Variants in ALDH2 observed in about 807,000 individuals in gnomAD.
ALDH2 encodes the protein aldehyde dehydrogenase, mitochondrial.
A neutral mutation model predicts 59.6 loss-of-function variants in ALDH2; 44 were observed. That is an observed-to-expected ratio of 0.74 (90% CI 0.58 to 0.95). The LOEUF (loss-of-function observed/expected upper bound fraction) is 0.95, where lower values mean the gene tolerates loss of function less well. ALDH2 is among the 40% of genes least tolerant of loss of function. ALDH2 has a pLI of 0.00. For synonymous variants in ALDH2, 291 were observed against 284.0 expected (o/e 1.02, Z -0.25); for missense variants, 570 against 696.3 (o/e 0.82, Z 2.04).
Position 111,816,174 on chromosome 12 carries a change from T to C in ALDH2, c.*6599T>C, listed in dbSNP as rs900912577. On this transcript the variant is annotated 3_prime_UTR_variant, in exon 13 of 13. Coordinates refer to ENST00000261733, the MANE Select transcript of ALDH2 (RefSeq NM_000690.4). ...TGTTTAAAAGGTGACGTGGACCTAATCCCTGTTGGACTGAACAAAAGGGGA... is the reference window on the plus strand; with the variant it reads ...TGTTTAAAAGGTGACGTGGACCTAACCCCTGTTGGACTGAACAAAAGGGGA... 6.6e-6 allele frequency: 1 copy of C among 152,046 alleles called. No individual in the cohort carries two copies. The highest frequency in any genetic ancestry group is 2.4e-5 in the African/African-American group (1 of 41,342). 9.4% of individuals were successfully genotyped at this position (152,046 alleles called of 1,614,324 possible).
intron 1 of ALDH2, among the ~76,000 whole-genome samples, chr12:111,775,165 C>T (rs915759385): frequency 6.6e-6 from 1 of 152,206 alleles, no homozygotes; most frequent in African/African-American, 2.4e-5. Flanking sequence ...CTATTACCCC[C>T]ACTTAGAAAG....
At chr12:111,769,103 C>A (rs1314736773) in intron 1 of ALDH2, among the ~76,000 whole-genome samples, 1 of 152,146 alleles carries the variant, frequency 6.6e-6, no homozygotes, top group Non-Finnish European at 1.5e-5. Flanking sequence ...GCACCCAGGC[C>A]CATAGGTAAC....
chr12:111,803,668 G>A (rs111627571), intron 11 of ALDH2, among the ~76,000 whole-genome samples, 191 bp from the exon 12 acceptor site: 12,792 of 151,688 alleles, frequency 0.084, 630 homozygotes, highest in Middle Eastern at 0.16. Flanking sequence ...CCCCAGATGT[G>A]GAGGTTGCAA....
chr12:111,799,641 C>A (rs2068432919), intron 10 of ALDH2, among the ~76,000 whole-genome samples: 1 of 152,096 alleles, frequency 6.6e-6, no homozygotes, highest in South Asian at 2.1e-4. Context: ...ATCTACGTGT[C>A]ACGTGTGAAT....
At chr12:111,792,446 A>G (rs1179344902) in intron 8 of ALDH2, 152 bp from the exon 9 acceptor site, 60 of 953,620 alleles carry the variant, frequency 6.3e-5, no homozygotes, top group Non-Finnish European at 1.4e-5. Context: ...GTGGGCTCCG[A>G]GAGCACCCCT....
chr12:111,809,027 G>A (rs1308551553), intron 12 of ALDH2, among the ~76,000 whole-genome samples: 2 of 152,186 alleles, frequency 1.3e-5, no homozygotes, highest in Non-Finnish European at 2.9e-5. Context: ...TTAGGGTTGT[G>A]TTTGGGGTAC....
chr12:111,769,664 G>A (rs1010531425), intron 1 of ALDH2, among the ~76,000 whole-genome samples: 37 of 151,668 alleles, frequency 2.4e-4, no homozygotes, highest in African/African-American at 9.0e-4. Flanking sequence ...ATCATTCTGA[G>A]TACGTTCAGA....
chr12:111,808,268 C>T (rs1165448766), intron 12 of ALDH2, among the ~76,000 whole-genome samples: 1 of 152,108 alleles, frequency 6.6e-6, no homozygotes, highest in Non-Finnish European at 1.5e-5. Flanking sequence ...TGGGTAGTGG[C>T]TGCTCATGGG....
chr12:111,803,498 G>A (rs547105889), intron 11 of ALDH2, among the ~76,000 whole-genome samples: 1 of 151,948 alleles, frequency 6.6e-6, no homozygotes, highest in Non-Finnish European at 1.5e-5. Context: ...TTAACTACTT[G>A]GGAGGCTGAG....
Position 111,812,442 on chromosome 12 carries a change from C to G in ALDH2, c.*2867C>G, listed in dbSNP as rs993408144. ...ATGTGTTTTCAATATGCTCCCCAAA[C>G]TACAGCAAACTCCTCTTAACTCGGG... On this transcript the variant is annotated 3_prime_UTR_variant, in exon 13 of 13. Coordinates refer to ENST00000261733, the MANE Select transcript of ALDH2 (RefSeq NM_000690.4). 7 of 152,208 alleles carry G rather than the reference C, an allele frequency of 4.6e-5. No individual in the cohort carries two copies. Among genetic ancestry groups the G allele is most frequent in the African/African-American group, 1.7e-4 (7 of 41,436 alleles). The allele number at this position is 152,208 out of a possible 1,614,324, so 9.4% of individuals were successfully genotyped here. A position where few individuals can be genotyped will look rare whatever the true frequency, so the allele number is the denominator to read the frequency against.
At chr12:111,774,917 T>G (rs1019782317) in intron 1 of ALDH2, among the ~76,000 whole-genome samples, 1 of 152,166 alleles carries the variant, frequency 6.6e-6, no homozygotes, top group Non-Finnish European at 1.5e-5. Flanking sequence ...TCTAACTCAG[T>G]AGTTCTAATT....
intron 3 of ALDH2, among the ~76,000 whole-genome samples, chr12:111,784,641 A>T (rs1257054648): frequency 2.0e-5 from 3 of 152,008 alleles, no homozygotes; most frequent in African/African-American, 7.3e-5. Flanking sequence ...TTTGAGATGG[A>T]GTCTCACTCT....
In ALDH2 at chr12:111,791,339, C is replaced by T; in HGVS notation, c.715C>T (p.Pro239Ser). Reference sequence around the variant, plus strand: ...TCCCCCTGGTGTGGTCAACATTGTGCCTGGATTTGGCCCCACGGCTGGGGC... The same window carrying T: ...TCCCCCTGGTGTGGTCAACATTGTGTCTGGATTTGGCCCCACGGCTGGGGC... ...GFPPGVVNIV[P>S]GFGPTAGAAI... Residue 239 changes from proline to serine, a missense_variant, in exon 7 of 13, where the codon CCT becomes TCT. Transcript: ENST00000261733. 6.2e-7 allele frequency: 1 copy of T among 1,614,126 alleles called. No individual in the cohort carries two copies. The highest frequency in any genetic ancestry group is 8.5e-7 in the Non-Finnish European group (1 of 1,180,020).
chr12:111,780,883 G>A (rs989635200), intron 1 of ALDH2, among the ~76,000 whole-genome samples: 2 of 152,118 alleles, frequency 1.3e-5, no homozygotes, highest in South Asian at 4.1e-4. Flanking sequence ...AGGACCTTGG[G>A]TGGCTGAGGA....
Position 111,813,419 on chromosome 12 carries a change from C to T in ALDH2, c.*3844C>T, listed in dbSNP as rs111718363. On this transcript the variant is annotated 3_prime_UTR_variant, in exon 13 of 13. Coordinates refer to ENST00000261733, the MANE Select transcript of ALDH2 (RefSeq NM_000690.4). ...CGATGTTGCATACAATTTGGCTGTA[C>T]ATTTGGCAGGCAGTGTAATGAGGGA... is the stretch of plus-strand genomic sequence containing the variant. 1.3e-5 allele frequency: 2 copies of T among 152,308 alleles called. No homozygotes were observed. The highest frequency in any genetic ancestry group is 4.8e-5 in the African/African-American group (2 of 41,570). The allele number at this position is 152,308 out of a possible 1,614,324, so 9.4% of individuals were successfully genotyped here. A position where few individuals can be genotyped will look rare whatever the true frequency, so the allele number is the denominator to read the frequency against.
intron 1 of ALDH2, chr12:111,775,722 T>C (rs1233951758): frequency 2.2e-6 from 1 of 454,678 alleles, no homozygotes; most frequent in Non-Finnish European, 4.4e-6. Flanking sequence ...GTGTGTTATG[T>C]AAGTCGAGCT....
intron 2 of ALDH2, among the ~76,000 whole-genome samples, chr12:111,782,892 A>T (rs1373546675): frequency 3.9e-5 from 6 of 151,902 alleles, no homozygotes; most frequent in African/African-American, 1.5e-4. Context: ...TCAAAAAAAA[A>T]ACAAAAAAAA....
intron 11 of ALDH2, among the ~76,000 whole-genome samples, chr12:111,801,092 G>A (rs2068448112): frequency 6.6e-6 from 1 of 152,234 alleles, no homozygotes; most frequent in Admixed American, 6.5e-5. Context: ...GACTCACACA[G>A]TTCCACGTGG....
chr12:111,789,022 T>C (rs1325697207), intron 4 of ALDH2, among the ~76,000 whole-genome samples: 19 of 146,376 alleles, frequency 1.3e-4, no homozygotes, highest in African/African-American at 3.0e-4. Context: ...CTTTTCTTTT[T>C]TTTTTTTTTT....
Sources: gnomAD v4.1 joint callset for allele counts (sites outside exome capture counted in the v4.1 genomes callset) on GRCh38, gnomAD v4.1.1 for gene constraint, MANE v1.5 for transcripts, NCBI Gene and HGNC (gene_info 2026-07-23, HGNC 2026-07-21) for gene names.